The following KANSL1 variants were observed in gnomAD, a reference collection of about 807,000 sequenced individuals.
The protein encoded by KANSL1 is KAT8 regulatory NSL complex subunit 1, also known as MLL1/MLL complex subunit KANSL1.
Under a neutral mutation model 103.6 loss-of-function variants are expected in KANSL1, and 22 were observed. That is an observed-to-expected ratio of 0.21 (90% CI 0.15 to 0.30). The LOEUF (loss-of-function observed/expected upper bound fraction) is 0.30. Among genes scored for constraint, KANSL1 ranks in the 10% least tolerant of loss-of-function variants. KANSL1 has a pLI of 1.00. For missense variants in KANSL1, 1,337 were observed against 1,399.8 expected (o/e 0.96, Z 0.72); for synonymous variants, 600 against 527.6 (o/e 1.14, Z -1.88).
chr17:46,062,355 CTTTTTTT>C (rs34577730), intron 6 of KANSL1, among the ~76,000 whole-genome samples: 1,683 of 95,454 alleles, frequency 0.018, 39 homozygotes, highest in African/African-American at 0.065. Flanking sequence ...ATAACAACAG[CTTTTTTT>C]TTTTTTTTTT....
chr17:46,038,993 G>T (rs771306168), intron 9 of KANSL1, 34 bp downstream of exon 9: 1 of 1,593,492 alleles, frequency 6.3e-7, no homozygotes, highest in Admixed American at 1.9e-5. Flanking sequence ...AGCAGGTGCA[G>T]TTGCAGGTAG....
chr17:46,081,894 C>G (rs1490490987), intron 4 of KANSL1, among the ~76,000 whole-genome samples: 2 of 152,054 alleles, frequency 1.3e-5, no homozygotes, highest in Non-Finnish European at 2.9e-5. Context: ...AGAACAAGTG[C>G]TCTTGGAATT....
At chr17:46,207,291 C>G (rs1194530695) in intron 1 of KANSL1, among the ~76,000 whole-genome samples, 2 of 152,062 alleles carry the variant, frequency 1.3e-5, no homozygotes, top group Non-Finnish European at 2.9e-5. Flanking sequence ...GCGGGTGGAT[C>G]ATGAGGTCAG....
chr17:46,155,539 G>C (rs997877486), intron 2 of KANSL1, among the ~76,000 whole-genome samples: 1 of 152,216 alleles, frequency 6.6e-6, no homozygotes, highest in Admixed American at 6.5e-5. Context: ...TCTCAACTAG[G>C]GTGAGGGAAG....
At chr17:46,061,159 A>G (rs939491296) in intron 6 of KANSL1, among the ~76,000 whole-genome samples, 1 of 152,192 alleles carries the variant, frequency 6.6e-6, no homozygotes, top group Non-Finnish European at 1.5e-5. Flanking sequence ...CTGCCAGACT[A>G]TACACAAGTT....
At chr17:46,040,481 T>C (rs1181633731) in intron 7 of KANSL1, 1 of 152,272 alleles carries the variant, frequency 6.6e-6, no homozygotes, top group East Asian at 1.9e-4. Flanking sequence ...TTCTTATCTT[T>C]CCATTTTCTT....
intron 1 of KANSL1, among the ~76,000 whole-genome samples, chr17:46,174,541 C>T (rs2732643): frequency 0.14 from 21,962 of 152,120 alleles, 2,138 homozygotes; most frequent in Non-Finnish European, 0.22. Context: ...TATTAATGAA[C>T]GTGAATTTTT....
At chr17:46,069,417 T>C (rs1465854076) in intron 4 of KANSL1, among the ~76,000 whole-genome samples, 2 of 152,216 alleles carry the variant, frequency 1.3e-5, no homozygotes, top group African/African-American at 4.8e-5. Flanking sequence ...ACCAAAGGAC[T>C]GAACCTGAAA....
At chr17:46,115,008 A>G (rs1004113690) in intron 2 of KANSL1, among the ~76,000 whole-genome samples, 8 of 152,146 alleles carry the variant, frequency 5.3e-5, no homozygotes, top group African/African-American at 1.9e-4. Context: ...AAAGTCCACG[A>G]ATTTTTTTCA....
chr17:46,058,743 ACTCTCTCTCTCTCT>A (rs756932556), intron 6 of KANSL1, among the ~76,000 whole-genome samples: 11,097 of 67,166 alleles, frequency 0.17, 593 homozygotes, highest in East Asian at 0.27. Flanking sequence ...ACACACACAC[ACTCTCTCTCTCTCT>A]CTCTCTCTCT....
chr17:46,080,312 T>TAAA (rs35520207), intron 4 of KANSL1, among the ~76,000 whole-genome samples: 1,020 of 77,668 alleles, frequency 0.013, 16 homozygotes, highest in South Asian at 0.017. Flanking sequence ...GAGCCTGTCT[T>TAAA]AAAAAAAAAA....
At chr17:46,118,115 G>C (rs2043121311) in intron 2 of KANSL1, among the ~76,000 whole-genome samples, 2 of 152,148 alleles carry the variant, frequency 1.3e-5, no homozygotes, top group Non-Finnish European at 1.5e-5. Context: ...GTAATAATCT[G>C]TGATATGAAG....
chr17:46,096,311 C>CTTTCTTTCTTTCTTCTTTTTTTTTT (rs753073992), intron 2 of KANSL1, among the ~76,000 whole-genome samples: 1 of 76,408 alleles, frequency 1.3e-5, no homozygotes, highest in Non-Finnish European at 2.5e-5. Context: ...GCTTTTTTTT[C>CTTTCTTTCTTTCTTCTTTTTTTTTT]TTTTTTTTTT....
intron 2 of KANSL1, among the ~76,000 whole-genome samples, chr17:46,125,000 AAAGAAAGGGAAGGGAAG>A (rs1180794239): frequency 3.6e-4 from 39 of 109,514 alleles, no homozygotes; most frequent in Non-Finnish European, 6.9e-4. Flanking sequence ...AAAGGGAAGG[AAAGAAAGGGAAGGGAAG>A]GGAAGGGAGG....
upstream of KANSL1, among the ~76,000 whole-genome samples, chr17:46,198,441 AAAAAAAAAG>A (rs1433132972): frequency 5.3e-5 from 8 of 150,940 alleles, no homozygotes; most frequent in Non-Finnish European, 1.2e-4. Flanking sequence ...AAAAAAAAAA[AAAAAAAAAG>A]CCTGGATGTG....
chr17:46,159,935 G>A (rs1248639387), intron 2 of KANSL1, among the ~76,000 whole-genome samples: 1 of 152,234 alleles, frequency 6.6e-6, no homozygotes, highest in Non-Finnish European at 1.5e-5. Flanking sequence ...TGTGTGGTCA[G>A]AGAGCTGTCT....
chr17:46,173,249 T>C (rs2046370735), intron 1 of KANSL1, among the ~76,000 whole-genome samples: 1 of 152,208 alleles, frequency 6.6e-6, no homozygotes, highest in South Asian at 2.1e-4. Context: ...ACTAGTATGG[T>C]GAGGTTTCTT....
intron 10 of KANSL1, among the ~76,000 whole-genome samples, chr17:46,037,077 T>C (rs374965945): frequency 1.3e-3 from 199 of 152,258 alleles, no homozygotes; most frequent in African/African-American, 4.7e-3. Context: ...GCCTCAGGGG[T>C]TAGCATAGTG....
chr17:46,140,231 G>GA (rs568450002), intron 2 of KANSL1, among the ~76,000 whole-genome samples: 129 of 152,114 alleles, frequency 8.5e-4, no homozygotes, highest in Non-Finnish European at 1.4e-3. Flanking sequence ...TATACAACCG[G>GA]AAAAAATTTT....
Sources: allele counts gnomAD v4.1 joint callset (sites outside exome capture counted in the v4.1 genomes callset), GRCh38; gene constraint gnomAD v4.1.1; transcripts MANE v1.5; gene names NCBI Gene and HGNC (gene_info 2026-07-23, HGNC 2026-07-21).